ANAPC4: variants seen among roughly 807,000 people sequenced by gnomAD.
ANAPC4 encodes the protein anaphase promoting complex subunit 4, also known as anaphase-promoting complex subunit 4.
A neutral mutation model predicts 119.8 loss-of-function variants in ANAPC4; 63 were observed. That is an observed-to-expected ratio of 0.53 (90% CI 0.43 to 0.65). The LOEUF is 0.65. Among genes scored for constraint, ANAPC4 ranks in the 30% least tolerant of loss-of-function variants. The probability of loss-of-function intolerance (pLI) is 0.00; values close to 1 mark genes in which losing one functional copy is unlikely to be tolerated. For synonymous variants in ANAPC4, 283 were observed against 318.6 expected, an observed-to-expected ratio of 0.89 and a Z score of 1.19; for missense variants, 716 against 945.1, an observed-to-expected ratio of 0.76 and a Z score of 3.18.
chr4:25,389,374 G>A (rs1476240958), intron 7 of ANAPC4, among the ~76,000 whole-genome samples: 1 of 152,116 alleles, frequency 6.6e-6, no homozygotes, highest in African/African-American at 2.4e-5. Context: ...GGCCAGGATG[G>A]TCTCGATCTC....
intron 17 of ANAPC4, among the ~76,000 whole-genome samples, chr4:25,403,737 C>A (rs889892544): frequency 6.6e-6 from 1 of 152,148 alleles, no homozygotes; most frequent in Non-Finnish European, 1.5e-5. Context: ...TCTCAGCAGC[C>A]ACAAATGGTT....
At position 25,390,217 on chromosome 4, in the gene ANAPC4, A is replaced by T. The variant is rs1437964521; in HGVS notation, c.597A>T (p.Thr199=). The change falls in exon 8 of 29, where the codon ACA becomes ACT. Residue 199 remains threonine (T), a synonymous_variant. Coordinates refer to ENST00000315368, the MANE Select transcript of ANAPC4 (RefSeq NM_013367.3). Reference sequence around the variant, plus strand: ...GAATGTTTAAAATTGCTCGAGTCACAGGGGTAAGATTTCTTTAACATTTTC... The same window carrying T: ...GAATGTTTAAAATTGCTCGAGTCACTGGGGTAAGATTTCTTTAACATTTTC... ...AYGMFKIARV[T]GIAGTCLALC... 1 of 1,606,944 alleles carries T rather than the reference A, an allele frequency of 6.2e-7. No individual in the cohort carries two copies. Among genetic ancestry groups the T allele is most frequent in the Non-Finnish European group, 8.5e-7 (1 of 1,174,714 alleles).
At chr4:25,382,314 T>C (rs975380085) in intron 3 of ANAPC4, among the ~76,000 whole-genome samples, 3 of 152,236 alleles carry the variant, frequency 2.0e-5, no homozygotes, top group Admixed American at 6.5e-5. Context: ...GGAAGAACTT[T>C]GCCAGTAGCT....
intron 3 of ANAPC4, among the ~76,000 whole-genome samples, chr4:25,382,562 A>G (rs1721799213): frequency 1.3e-5 from 2 of 152,052 alleles, no homozygotes; most frequent in South Asian, 4.1e-4. Context: ...TAAAAGTCTC[A>G]TGTTTTTGGA....
At chr4:25,417,779 A>G in intron 28 of ANAPC4, 40 bp downstream of exon 28, 1 of 1,578,504 alleles carries the variant, frequency 6.3e-7, no homozygotes, top group Non-Finnish European at 8.6e-7. Flanking sequence ...AGAAATTACA[A>G]GAAGTAACGT....
chr4:25,417,464 T>A (rs1723948861), intron 27 of ANAPC4, 152 bp from the exon 28 acceptor site: 2 of 787,884 alleles, frequency 2.5e-6, no homozygotes, highest in African/African-American at 3.6e-5. Flanking sequence ...ATATCACAGC[T>A]TTTTTTCTAA....
At chr4:25,412,200 A>G (rs1723608688) in intron 21 of ANAPC4, among the ~76,000 whole-genome samples, 2 of 152,202 alleles carry the variant, frequency 1.3e-5, no homozygotes, top group Admixed American at 1.3e-4. Context: ...CAGGCAGGGT[A>G]TGGAGAGAAA....
chr4:25,406,948 CAA>C, intron 19 of ANAPC4, 63 bp downstream of exon 19: 1 of 1,278,512 alleles, frequency 7.8e-7, no homozygotes, highest in South Asian at 1.3e-5. Context: ...TGGATAATGA[CAA>C]GACATAATTA....
chr4:25,398,743 C>T (rs1318317795), intron 16 of ANAPC4, among the ~76,000 whole-genome samples: 1 of 151,972 alleles, frequency 6.6e-6, no homozygotes, highest in Non-Finnish European at 1.5e-5. Flanking sequence ...AAATGGTGGT[C>T]AGAATCTGAA....
At chr4:25,413,420 G>C in intron 21 of ANAPC4, 1 of 426,988 alleles carries the variant, frequency 2.3e-6, no homozygotes, top group Non-Finnish European at 4.2e-6. Context: ...GTCTAAGTTT[G>C]TAGTAAGTGA....
chr4:25,386,914 A>T (rs1722066804), intron 4 of ANAPC4, among the ~76,000 whole-genome samples: 1 of 152,232 alleles, frequency 6.6e-6, no homozygotes, highest in African/African-American at 2.4e-5. Context: ...GGCACAAAAA[A>T]CAAAGCTCTA....
At chr4:25,385,362 GTTC>G (rs1202232659) in intron 4 of ANAPC4, among the ~76,000 whole-genome samples, 1 of 152,200 alleles carries the variant, frequency 6.6e-6, no homozygotes, top group Non-Finnish European at 1.5e-5. Context: ...ATAAAAGGCT[GTTC>G]TTCTCCATTG....
chr4:25,382,708 T>C (rs1039908733), intron 3 of ANAPC4, among the ~76,000 whole-genome samples: 2 of 152,224 alleles, frequency 1.3e-5, no homozygotes, highest in Non-Finnish European at 2.9e-5. Context: ...TGCCCTCTTT[T>C]TGGAAATTCT....
At position 25,405,606 on chromosome 4, in the gene ANAPC4, C is replaced by T. The variant is rs754997067; in HGVS notation, c.1304C>T (p.Pro435Leu). ...MLRMTEDHVL[P>L]ELNKMTQKDI... ...AGAATGACAGAAGACCATGTGCTTC[C>T]CGAGCTGAATAAGGTAGTATGTACT... is the stretch of plus-strand genomic sequence containing the variant. The change falls in exon 18 of 29, where the codon CCC becomes CTC. Residue 435 changes from proline to leucine, a missense_variant. Pro to Leu is a moderately conservative substitution (Grantham distance 98). Coordinates refer to ENST00000315368, the MANE Select transcript of ANAPC4 (RefSeq NM_013367.3). The surrounding 1 kb of genome is among the most constrained non-coding windows in gnomAD (Gnocchi z 4.6). The T allele has an allele frequency of 1.2e-6, 2 of 1,613,486 alleles. No homozygotes were observed. The highest frequency in any genetic ancestry group is 2.2e-5 in the South Asian group (2 of 91,046).
In ANAPC4 at chr4:25,394,724, T is replaced by C. The variant is rs1486969527; in HGVS notation, c.984+11T>C. 1.9e-6 allele frequency: 3 copies of C among 1,605,142 alleles called. No homozygotes were observed. The highest frequency in any genetic ancestry group is 1.3e-5 in the African/African-American group (1 of 74,478). ...CAGTTAACAGTAAAGGTGCAGTTAA[T>C]GTATCTATGTATTCAAATGGCTATG... is the stretch of plus-strand genomic sequence containing the variant. On this transcript the variant is annotated intron_variant, in intron 13 of 28. Coordinates refer to ENST00000315368, the MANE Select transcript of ANAPC4 (RefSeq NM_013367.3).
chr4:25,378,812 A>G (rs1383676883), intron 2 of ANAPC4, among the ~76,000 whole-genome samples: 2 of 152,172 alleles, frequency 1.3e-5, no homozygotes, highest in Non-Finnish European at 2.9e-5. Context: ...ATAAGGTTGT[A>G]TGTGTCTCTC....
At chr4:25,387,837 T>A (rs1165989556) in intron 4 of ANAPC4, among the ~76,000 whole-genome samples, 3 of 152,084 alleles carry the variant, frequency 2.0e-5, no homozygotes, top group Admixed American at 6.5e-5. Context: ...ATAGAACCAA[T>A]AACTAAATCA....
At chr4:25,409,587 C>A in intron 20 of ANAPC4, 111 bp from the exon 21 acceptor site, 1 of 725,490 alleles carries the variant, frequency 1.4e-6, no homozygotes, top group Non-Finnish European at 2.3e-6. Context: ...ATTTTAGGCC[C>A]TAAGTCTTTG....
Position 25,377,547 on chromosome 4 carries a change from A to T in ANAPC4, c.120A>T (p.Thr40=), listed in dbSNP as rs1389279599. ...PKRDLIALAN[T]AGEVLLHRLA... The stretch of plus-strand genomic sequence containing the variant: ...GGGATCTCATTGCTTTGGCCAACAC[A>T]GCTGGCGAGGTGAGTGAGCCGGCGG... Residue 40 remains threonine (T), a synonymous_variant, in exon 2 of 29, where the codon ACA becomes ACT. Transcript: ENST00000315368. 6.2e-7 allele frequency: 1 copy of T among 1,611,360 alleles called. No homozygotes were observed. Among genetic ancestry groups the T allele is most frequent in the African/African-American group, 1.3e-5 (1 of 74,884 alleles).
Sources: gnomAD v4.1 joint callset for allele counts (sites outside exome capture counted in the v4.1 genomes callset) on GRCh38, gnomAD v4.1.1 for gene constraint, Gnocchi (gnomAD v3.1) non-coding constraint, MANE v1.5 for transcripts, NCBI Gene and HGNC (gene_info 2026-07-23, HGNC 2026-07-21) for gene names.